The following PLCG2 variants were observed in gnomAD, a reference collection of about 807,000 sequenced individuals.
PLCG2 encodes the protein 1-phosphatidylinositol 4,5-bisphosphate phosphodiesterase gamma-2.
A neutral mutation model predicts 175.6 loss-of-function variants in PLCG2; 69 were observed. The ratio of observed to expected loss-of-function variants is 0.39; its 90% CI spans 0.32 to 0.48. The LOEUF (loss-of-function observed/expected upper bound fraction) is 0.48, where lower values mean the gene tolerates loss of function less well. PLCG2 is among the 20% of genes least tolerant of loss of function. The pLI, the probability that PLCG2 is intolerant of heterozygous loss-of-function variation, is 0.91. For missense variants in PLCG2, 1,798 were observed against 1,650.9 expected (o/e 1.09, Z -1.54); for synonymous variants, 827 against 624.0 (o/e 1.33, Z -4.85).
intron 7 of PLCG2, among the ~76,000 whole-genome samples, chr16:81,871,256 T>C (rs1238980217): frequency 2.0e-5 from 3 of 152,248 alleles, no homozygotes; most frequent in Non-Finnish European, 4.4e-5. Flanking sequence ...TATTTCATTC[T>C]GAAAGGAAAT....
chr16:81,835,306 A>G (rs1200787089), intron 2 of PLCG2, among the ~76,000 whole-genome samples: 1 of 152,210 alleles, frequency 6.6e-6, no homozygotes. Context: ...TATAATAATA[A>G]TGAAGATGGC....
chr16:81,814,256 A>G (rs1315376895), intron 2 of PLCG2, among the ~76,000 whole-genome samples: 2 of 152,182 alleles, frequency 1.3e-5, no homozygotes, highest in African/African-American at 4.8e-5. Flanking sequence ...GTTCTCCTCA[A>G]TAGGTAATAA....
At chr16:81,747,002 C>T (rs1359540293) in intron 1 of PLCG2, among the ~76,000 whole-genome samples, 2 of 152,212 alleles carry the variant, frequency 1.3e-5, no homozygotes, top group Middle Eastern at 3.4e-3. Flanking sequence ...CAAAGGTACA[C>T]CAACCACCTT....
At chr16:81,840,222 G>A (rs1347317143) in intron 2 of PLCG2, among the ~76,000 whole-genome samples, 1 of 152,148 alleles carries the variant, frequency 6.6e-6, no homozygotes, top group Non-Finnish European at 1.5e-5. Context: ...AGCATGCTTA[G>A]AATTGAGCCC....
chr16:81,874,990 G>A (rs934325136), intron 7 of PLCG2, among the ~76,000 whole-genome samples: 49 of 56,532 alleles, frequency 8.7e-4, no homozygotes, highest in Non-Finnish European at 1.8e-3. Flanking sequence ...TTGAGACAGA[G>A]TCTTTCTCTG....
At chr16:81,865,984 G>A (rs1907212524) in intron 5 of PLCG2, among the ~76,000 whole-genome samples, 1 of 135,472 alleles carries the variant, frequency 7.4e-6, no homozygotes. Context: ...TGGGGCACCA[G>A]CGTGAGAGGA....
intron 2 of PLCG2, among the ~76,000 whole-genome samples, chr16:81,800,682 A>G (rs747995828): frequency 1.3e-5 from 2 of 151,704 alleles, no homozygotes; most frequent in Non-Finnish European, 2.9e-5. Flanking sequence ...TATTATTATT[A>G]TTATTATTGT....
chr16:81,779,779 C>G lies in PLCG2; in HGVS notation c.-48+355C>G, dbSNP rs756544481. The stretch of plus-strand genomic sequence containing the variant: ...CGAGCGGCTCTGCGTGGGGTGGCGC[C>G]GTCTCTCTTGACGGCCCTTGTGCCC... On this transcript the variant is annotated intron_variant, in intron 1 of 32. Coordinates refer to ENST00000564138, the MANE Select transcript of PLCG2 (RefSeq NM_002661.5). 3.6e-4 allele frequency among the ~76,000 whole-genome samples: 55 copies of G among 152,236 alleles called. No homozygotes were observed. The Middle Eastern group carries it at 0.01, about 28-fold the overall frequency.
intron 9 of PLCG2, chr16:81,883,588 A>G (rs775017922): frequency 1.8e-6 from 1 of 545,586 alleles, no homozygotes; most frequent in Non-Finnish European, 3.3e-6. Context: ...GAAGGCACAC[A>G]TTGAGGATGA....
Position 81,742,674 on chromosome 16 carries a change from C to G in PLCG2, c.-145+3289C>G, listed in dbSNP as rs551186377. Among the ~76,000 whole-genome samples, 3 of 152,230 alleles carry G rather than the reference C, an allele frequency of 2.0e-5. No individual in the cohort carries two copies. In the East Asian group the frequency reaches 5.8e-4, roughly 29 times the overall value. ...TTTCAGGGAGCTGGTGGGGAGAACT[C>G]AAGACAGATGATAGCACATATAATC... On this transcript the variant is annotated intron_variant, in intron 1 of 5. Coordinates refer to the PLCG2 transcript ENST00000565054.
chr16:81,938,739 C>G lies in PLCG2; in HGVS notation c.3199-62C>G, dbSNP rs1910817236. ...TGTCACTCTAGAACCCAGCTGCAAT[C>G]CACGCTAGGCTGCCTGTTCAGGACC... On this transcript the variant is annotated intron_variant, in intron 28 of 32. Transcript: ENST00000564138. The G allele has an allele frequency of 3.2e-6, 3 of 951,536 alleles. No individual in the cohort carries two copies. In the South Asian group the frequency reaches 4.2e-5, roughly 13 times the overall value. The allele number at this position is 951,536 out of a possible 1,614,324, so 58.9% of individuals were successfully genotyped here.
At chr16:81,777,860 AC>A (rs1910471727), upstream of PLCG2, among the ~76,000 whole-genome samples, 2 of 151,820 alleles carry the variant, frequency 1.3e-5, no homozygotes. Flanking sequence ...TAGTAAAAAT[AC>A]AAAAAATTAG....
chr16:81,938,623 C>A (rs1269860851), intron 28 of PLCG2, 178 bp from the exon 29 acceptor site: 2 of 591,654 alleles, frequency 3.4e-6, no homozygotes, highest in Non-Finnish European at 6.0e-6. Context: ...ACTGTGGGAT[C>A]TACCACAGTC....
At chr16:81,875,153 G>A (rs924528536) in intron 7 of PLCG2, among the ~76,000 whole-genome samples, 3 of 151,674 alleles carry the variant, frequency 2.0e-5, no homozygotes, top group Admixed American at 2.0e-4. Flanking sequence ...TAATTGAAAC[G>A]GGGTTTCACC....
rs146216356 is a variant in PLCG2 at position 81,942,664 on chromosome 16, C to A, written c.3481+2605C>A. Among the ~76,000 whole-genome samples, 367 of 152,156 alleles carry A rather than the reference C, an allele frequency of 2.4e-3. 4 individuals are homozygous for A. Among genetic ancestry groups the A allele is most frequent in the African/African-American group, 8.4e-3 (347 of 41,538 alleles). On this transcript the variant is annotated intron_variant, in intron 30 of 32. Coordinates refer to ENST00000564138, the MANE Select transcript of PLCG2 (RefSeq NM_002661.5). Reference sequence around the variant, plus strand: ...AGTAATCCTGTGAAAGGGGTTTTATCTTTGGTTTTAAAATTCTGAGCACTT... The same window carrying A: ...AGTAATCCTGTGAAAGGGGTTTTATATTTGGTTTTAAAATTCTGAGCACTT...
intron 1 of PLCG2, among the ~76,000 whole-genome samples, chr16:81,747,037 A>T (rs1909720790): frequency 6.6e-6 from 1 of 152,186 alleles, no homozygotes; most frequent in African/African-American, 2.4e-5. Flanking sequence ...AGTGAGATGA[A>T]AGTTAAAAGC....
chr16:81,876,445 G>A (rs1177553850), intron 7 of PLCG2, among the ~76,000 whole-genome samples: 1 of 152,152 alleles, frequency 6.6e-6, no homozygotes, highest in Admixed American at 6.5e-5. Flanking sequence ...CTTCAGCCAC[G>A]TGGGAAAACT....
At chr16:81,785,150 C>T (rs936503141) in intron 1 of PLCG2, among the ~76,000 whole-genome samples, 4 of 152,108 alleles carry the variant, frequency 2.6e-5, no homozygotes, top group Admixed American at 6.6e-5. Flanking sequence ...AGAGAGTCCA[C>T]GCAAGGATTC....
At chr16:81,916,490 TA>T (rs1362844633) in intron 19 of PLCG2, among the ~76,000 whole-genome samples, 1 of 152,166 alleles carries the variant, frequency 6.6e-6, no homozygotes, top group African/African-American at 2.4e-5. Flanking sequence ...AAAAGTTGTT[TA>T]TATGTATCAT....
Sources: gnomAD v4.1 joint callset for allele counts (sites outside exome capture counted in the v4.1 genomes callset) on GRCh38, gnomAD v4.1.1 for gene constraint, MANE v1.5 for transcripts, NCBI Gene and HGNC (gene_info 2026-07-23, HGNC 2026-07-21) for gene names.